Variants in DPH6 observed in about 807,000 individuals in gnomAD.
DPH6 encodes the protein diphthamine biosynthesis 6.
Under a neutral mutation model 38.2 loss-of-function variants are expected in DPH6, and 33 were observed. The observed-to-expected ratio is 0.86, with a 90% CI of 0.65 to 1.15. The LOEUF is 1.15. Ranked by LOEUF, DPH6 falls within the 50% of genes most tolerant of loss-of-function variation. The pLI is 0.00. For missense variants in DPH6, 325 were observed against 320.0 expected (o/e 1.02, Z -0.12); for synonymous variants, 108 against 103.0 (o/e 1.05, Z -0.30).
At chr15:35,171,928 C>T in the DPH6 span, among the ~76,000 whole-genome samples, 13 of 151,932 alleles carry the variant, frequency 8.6e-5, no homozygotes, top group Non-Finnish European at 1.5e-4. Flanking sequence ...AGTGCAATGG[C>T]GCAGTCTTGG....
At chr15:35,233,264 G>A (rs1403731034) in intron 3 of DPH6, among the ~76,000 whole-genome samples, 36 of 152,220 alleles carry the variant, frequency 2.4e-4, no homozygotes, top group Admixed American at 1.9e-3. Flanking sequence ...AGCCAAGATC[G>A]CCCCATTGCA....
intron 3 of DPH6, among the ~76,000 whole-genome samples, chr15:35,532,098 G>A (rs1000998823): frequency 7.2e-5 from 11 of 152,124 alleles, no homozygotes; most frequent in African/African-American, 2.2e-4. Flanking sequence ...AAGCACAGCC[G>A]AAGACTCAGA....
intron 6 of DPH6, among the ~76,000 whole-genome samples, chr15:35,407,847 G>A (rs2053314815): frequency 6.6e-6 from 1 of 151,996 alleles, no homozygotes; most frequent in Non-Finnish European, 1.5e-5. Context: ...ATAGGATGCT[G>A]ATCGTACAGG....
chr15:35,350,951 A>G (rs1316290405), intron 3 of DPH6, among the ~76,000 whole-genome samples: 1 of 152,194 alleles, frequency 6.6e-6, no homozygotes, highest in Non-Finnish European at 1.5e-5. Flanking sequence ...CAATTTGTCT[A>G]GAGTGTTGTT....
downstream of DPH6, among the ~76,000 whole-genome samples, chr15:35,370,146 T>C (rs181251514): frequency 3.6e-4 from 54 of 151,814 alleles, no homozygotes; most frequent in East Asian, 8.3e-3. Context: ...ATAACTACAT[T>C]TTTAAAAAAC....
At chr15:35,225,604 CT>C (rs2051475187) in intron 3 of DPH6, among the ~76,000 whole-genome samples, 1 of 152,118 alleles carries the variant, frequency 6.6e-6, no homozygotes, top group Non-Finnish European at 1.5e-5. Context: ...CTATAACATA[CT>C]TCAGGCTCAT....
chr15:35,348,007 G>A (rs1479940953), intron 3 of DPH6, among the ~76,000 whole-genome samples: 2 of 151,770 alleles, frequency 1.3e-5, no homozygotes, highest in African/African-American at 4.8e-5. Context: ...TATTTTCTTG[G>A]GTATTGAGTT....
chr15:35,415,349 C>T (rs2053422937), intron 5 of DPH6, among the ~76,000 whole-genome samples: 1 of 151,900 alleles, frequency 6.6e-6, no homozygotes, highest in African/African-American at 2.4e-5. Flanking sequence ...TTGTGTTTTG[C>T]ATTCTATGTA....
rs1420694915 is a variant in DPH6, at chr15:35,464,273, A to G, written c.313-9453T>C. Among the ~76,000 whole-genome samples the G allele has an allele frequency of 7.3e-5, 11 of 151,160 alleles. No homozygotes were observed. The East Asian group carries it at 2.1e-3, about 29-fold the overall frequency. ...CGTGCTACAGTACTCCAGCCTGGCA[A>G]TAGGGCAAGACTTTGTCTCAAAAAA... is the stretch of plus-strand genomic sequence containing the variant. On this transcript the variant is annotated intron_variant, in intron 3 of 8. Transcript: ENST00000256538.
At chr15:35,240,392 C>T (rs2051589267) in intron 3 of DPH6, among the ~76,000 whole-genome samples, 1 of 142,512 alleles carries the variant, frequency 7.0e-6, no homozygotes, top group African/African-American at 2.5e-5. Context: ...CAGTCCCAAC[C>T]CCAAGCATCA....
the DPH6 span, among the ~76,000 whole-genome samples, chr15:35,202,634 C>T: frequency 6.6e-6 from 1 of 151,770 alleles, no homozygotes; most frequent in South Asian, 2.1e-4. Flanking sequence ...TGTTTTAGCT[C>T]TAAAGCAGTT....
chr15:35,227,857 TTTC>T (rs1451623162), intron 3 of DPH6, among the ~76,000 whole-genome samples: 1 of 152,116 alleles, frequency 6.6e-6, no homozygotes, highest in Non-Finnish European at 1.5e-5. Flanking sequence ...ATTTTTCAAT[TTTC>T]TTCTTAATTT....
intron 3 of DPH6, among the ~76,000 whole-genome samples, chr15:35,282,221 A>T (rs1188192399): frequency 6.6e-6 from 1 of 152,172 alleles, no homozygotes; most frequent in African/African-American, 2.4e-5. Context: ...ACTCAGGCTG[A>T]AGTGCAGCAG....
At chr15:35,257,061 A>T (rs1011807909) in intron 3 of DPH6, among the ~76,000 whole-genome samples, 2 of 152,180 alleles carry the variant, frequency 1.3e-5, no homozygotes, top group Non-Finnish European at 2.9e-5. Context: ...ACTGGGGAAA[A>T]GAATGGCATC....
rs1435432774 is a variant in DPH6, at chr15:35,538,316, A to T, written c.270T>A (p.Gly90=). The change falls in exon 3 of 9, where the codon GGT becomes GGA. Residue 90 remains glycine (G), a synonymous_variant. Transcript: ENST00000256538. ...DTRQVYTKCE[G]DEVEDLYELL... ...GCTCATAGAGATCTTCAACCTCATC[A>T]CCTTCACATTTGGTGTACACTTGTC... is the stretch of plus-strand genomic sequence containing the variant. 1 of 1,599,068 alleles carries T rather than the reference A, an allele frequency of 6.3e-7. No individual in the cohort carries two copies. Among genetic ancestry groups the T allele is most frequent in the East Asian group, 2.2e-5 (1 of 44,566 alleles).
intron 3 of DPH6, among the ~76,000 whole-genome samples, chr15:35,363,143 G>A (rs1238532310): frequency 6.6e-6 from 1 of 152,020 alleles, no homozygotes; most frequent in East Asian, 1.9e-4. Context: ...TTCTATGTTT[G>A]TAGGGTCACG....
intron 7 of DPH6, among the ~76,000 whole-genome samples, chr15:35,375,480 A>G (rs2052767913): frequency 6.6e-6 from 1 of 152,126 alleles, no homozygotes; most frequent in African/African-American, 2.4e-5. Context: ...TCAAATTTCA[A>G]GGAACTCTGG....
chr15:35,224,869 T>C (rs1208357069), intron 3 of DPH6, among the ~76,000 whole-genome samples: 1 of 152,222 alleles, frequency 6.6e-6, no homozygotes, highest in Non-Finnish European at 1.5e-5. Context: ...AATTCCTGTG[T>C]ACCACTCAAC....
intron 3 of DPH6, among the ~76,000 whole-genome samples, chr15:35,265,872 A>G (rs1211864180): frequency 6.6e-6 from 1 of 152,210 alleles, no homozygotes; most frequent in African/African-American, 2.4e-5. Flanking sequence ...GTAACATTAT[A>G]GTGTCACTGA....
Sources: gnomAD v4.1 joint callset for allele counts (sites outside exome capture counted in the v4.1 genomes callset) on GRCh38, gnomAD v4.1.1 for gene constraint, MANE v1.5 for transcripts, NCBI Gene and HGNC (gene_info 2026-07-23, HGNC 2026-07-21) for gene names.